MACROD2: variants seen among roughly 807,000 people sequenced by gnomAD.
The protein encoded by MACROD2 is ADP-ribose glycohydrolase MACROD2.
A neutral mutation model predicts 70.4 loss-of-function variants in MACROD2; 36 were observed. The observed-to-expected ratio is 0.51, with a 90% CI of 0.39 to 0.68. MACROD2 has a LOEUF of 0.68. Ranked by LOEUF, MACROD2 falls within the 30% of genes least tolerant of loss-of-function variation. The probability of loss-of-function intolerance (pLI) is 0.00; values close to 1 mark genes in which losing one functional copy is unlikely to be tolerated. For missense variants in MACROD2, 496 were observed against 538.4 expected (o/e 0.92, Z 0.78); for synonymous variants, 172 against 178.8 (o/e 0.96, Z 0.30).
chr20:16,033,869 GA>G (rs970443560), intron 15 of MACROD2, among the ~76,000 whole-genome samples: 11 of 151,800 alleles, frequency 7.2e-5, no homozygotes, highest in African/African-American at 2.7e-4. Flanking sequence ...GGGTGGGGGA[GA>G]AAGAGAAAGG....
chr20:14,082,850 C>T (rs1405863623), intron 2 of MACROD2, among the ~76,000 whole-genome samples: 1 of 152,012 alleles, frequency 6.6e-6, no homozygotes, highest in Non-Finnish European at 1.5e-5. Flanking sequence ...ATTTAACAAT[C>T]GTTAATGGAG....
chr20:14,235,569 T>C (rs2081861620), intron 3 of MACROD2, among the ~76,000 whole-genome samples: 1 of 152,094 alleles, frequency 6.6e-6, no homozygotes, highest in African/African-American at 2.4e-5. Context: ...TATGAAGAAA[T>C]ACCTCATCCA....
At chr20:14,739,668 A>G (rs2071710229) in intron 5 of MACROD2, among the ~76,000 whole-genome samples, 1 of 152,028 alleles carries the variant, frequency 6.6e-6, no homozygotes, top group Non-Finnish European at 1.5e-5. Flanking sequence ...TGTTTGTGGG[A>G]TGTTGTCATA....
rs147991788 is a variant in MACROD2, at chr20:14,890,349, A to G, written c.418+205390A>G. On this transcript the variant is annotated intron_variant, in intron 5 of 17. Coordinates refer to ENST00000684519, the MANE Select transcript of MACROD2 (RefSeq NM_001351661.2). ...ATTCCCCCAGTAAGAGGTAAGGGATATGGACAGGAACCAGAGAAAGAGGCT... is the reference window on the plus strand; with the variant it reads ...ATTCCCCCAGTAAGAGGTAAGGGATGTGGACAGGAACCAGAGAAAGAGGCT... 3.7e-3 allele frequency among the ~76,000 whole-genome samples: 557 copies of G among 152,252 alleles called. 6 individuals are homozygous for G. The highest frequency in any genetic ancestry group is 0.013 in the African/African-American group (525 of 41,554).
intron 5 of MACROD2, among the ~76,000 whole-genome samples, chr20:15,175,828 G>T (rs1473369657): frequency 6.6e-6 from 1 of 152,200 alleles, no homozygotes; most frequent in East Asian, 1.9e-4. Context: ...AGCCAGTGGG[G>T]GCCAGGAACA....
At chr20:14,033,492 T>A (rs1206221566) in intron 2 of MACROD2, among the ~76,000 whole-genome samples, 1 of 152,170 alleles carries the variant, frequency 6.6e-6, no homozygotes, top group African/African-American at 2.4e-5. Flanking sequence ...AGAATATTCA[T>A]AGCATTCTAT....
At chr20:14,598,008 T>G (rs1982253035) in intron 4 of MACROD2, among the ~76,000 whole-genome samples, 2 of 152,136 alleles carry the variant, frequency 1.3e-5, no homozygotes, top group Admixed American at 6.5e-5. Context: ...AACAAATCTG[T>G]GCTTCTCTAC....
intron 2 of MACROD2, among the ~76,000 whole-genome samples, chr20:14,077,379 T>C (rs1491000262): frequency 6.6e-6 from 1 of 152,226 alleles, no homozygotes; most frequent in African/African-American, 2.4e-5. Context: ...AATTGTAAGA[T>C]GATATACTCA....
intron 8 of MACROD2, among the ~76,000 whole-genome samples, chr20:15,762,123 GAAT>G (rs541672036): frequency 1.3e-5 from 2 of 152,058 alleles, no homozygotes; most frequent in East Asian, 1.9e-4. Flanking sequence ...TTCTAGGTTT[GAAT>G]AATAATAATA....
intron 6 of MACROD2, among the ~76,000 whole-genome samples, chr20:15,262,422 C>T (rs2146047717): frequency 6.6e-6 from 1 of 152,082 alleles, no homozygotes; most frequent in African/African-American, 2.4e-5. Flanking sequence ...CGTATATGTA[C>T]CATGTTTTAT....
chr20:14,496,763 G>C (rs2084857771), intron 4 of MACROD2, among the ~76,000 whole-genome samples: 2 of 150,498 alleles, frequency 1.3e-5, no homozygotes, highest in Admixed American at 6.6e-5. Flanking sequence ...GGCAGAGACA[G>C]TTATGTACTA....
At chr20:14,756,838 T>G (rs1260189635) in intron 5 of MACROD2, among the ~76,000 whole-genome samples, 1 of 152,100 alleles carries the variant, frequency 6.6e-6, no homozygotes, top group African/African-American at 2.4e-5. Context: ...GGAGATAATG[T>G]TTCCCCCATA....
chr20:14,941,782 CT>C (rs11484003), intron 5 of MACROD2, among the ~76,000 whole-genome samples: 6 of 148,668 alleles, frequency 4.0e-5, no homozygotes, highest in African/African-American at 7.4e-5. Context: ...TTCTCTCTCT[CT>C]TTTTTTTTTC....
chr20:15,151,703 G>A (rs1601145708), intron 5 of MACROD2, among the ~76,000 whole-genome samples: 1 of 152,020 alleles, frequency 6.6e-6, no homozygotes, highest in East Asian at 1.9e-4. Flanking sequence ...TCTGATTTGG[G>A]ATAAAGGAAA....
At chr20:15,227,849 T>TTTC (rs2076923856) in intron 5 of MACROD2, among the ~76,000 whole-genome samples, 1 of 142,876 alleles carries the variant, frequency 7.0e-6, no homozygotes. Context: ...TTTTTTTTTT[T>TTTC]CAAATTTAAT....
rs187062673 is a variant in MACROD2 at position 14,705,660 on chromosome 20, A to G, written c.418+20701A>G. Among the ~76,000 whole-genome samples the G allele has an allele frequency of 4.2e-4, 64 of 152,354 alleles. No homozygotes were observed. The East Asian group carries it at 0.01, about 25-fold the overall frequency. ...TTCAGAACCTTTTGACTAAATGGGCAGAAGTAATTGGGAATAAAAATGTGT... is the reference window on the plus strand; with the variant it reads ...TTCAGAACCTTTTGACTAAATGGGCGGAAGTAATTGGGAATAAAAATGTGT... On this transcript the variant is annotated intron_variant, in intron 5 of 17. Transcript: ENST00000684519.
chr20:14,583,232 T>C (rs1421533938), intron 4 of MACROD2, among the ~76,000 whole-genome samples: 1 of 152,190 alleles, frequency 6.6e-6, no homozygotes, highest in Non-Finnish European at 1.5e-5. Context: ...TTCCTGCCCA[T>C]GGCCTTCTTT....
At chr20:14,043,849 C>G (rs1405747946) in intron 2 of MACROD2, among the ~76,000 whole-genome samples, 1 of 152,164 alleles carries the variant, frequency 6.6e-6, no homozygotes, top group East Asian at 1.9e-4. Context: ...AGGCCTACTT[C>G]TGAAGGCCAA....
At chr20:16,020,869 G>A (rs2066992425) in intron 15 of MACROD2, among the ~76,000 whole-genome samples, 1 of 152,088 alleles carries the variant, frequency 6.6e-6, no homozygotes, top group East Asian at 1.9e-4. Context: ...AAATCTGCAT[G>A]TCTTCATCTT....
Sources: gnomAD v4.1 joint callset for allele counts (sites outside exome capture counted in the v4.1 genomes callset) on GRCh38, gnomAD v4.1.1 for gene constraint, MANE v1.5 for transcripts, NCBI Gene and HGNC (gene_info 2026-07-23, HGNC 2026-07-21) for gene names.